Variants in STS observed in about 807,000 individuals in gnomAD.
STS encodes the protein steroid sulfatase.
STS carries 7 observed loss-of-function variants against 26.8 expected under a neutral mutation model. That is an observed-to-expected ratio of 0.26 (90% CI 0.15 to 0.49). STS has a LOEUF of 0.49. STS is among the 20% of genes least tolerant of loss of function. The pLI is 0.98. For missense variants in STS, 434 were observed against 465.6 expected (o/e 0.93, Z 0.63); for synonymous variants, 199 against 189.4 (o/e 1.05, Z -0.42).
chrX:7,178,156 A>G (rs1933610069), intron 1 of STS, among the ~76,000 whole-genome samples: 1 of 112,482 alleles, frequency 8.9e-6, no homozygotes, highest in Non-Finnish European at 1.9e-5. Context: ...ATAGAGAGAC[A>G]AAAGGTTTTT....
At chrX:7,292,191 G>A (rs775782653) in intron 7 of STS, among the ~76,000 whole-genome samples, 2 of 112,987 alleles carry the variant, frequency 1.8e-5, no homozygotes, top group East Asian at 5.6e-4. Context: ...TTTGGAAACA[G>A]AGAGAATTGC....
intron 8 of STS, 69 bp from the exon 9 acceptor site, chrX:7,325,270 T>C: frequency 9.0e-7 from 1 of 1,108,019 alleles, no homozygotes; most frequent in Non-Finnish European, 1.2e-6. Context: ...CACGAAAGAG[T>C]CCATTGAAGT....
At chrX:7,156,624 A>T (rs773984716) in intron 1 of STS, among the ~76,000 whole-genome samples, 1 of 111,935 alleles carries the variant, frequency 8.9e-6, no homozygotes, top group Non-Finnish European at 1.9e-5. Context: ...CCTGGTGTAA[A>T]CTAGGATGCC....
intron 10 of STS, among the ~76,000 whole-genome samples, chrX:7,341,925 T>A (rs370349477): frequency 9.0e-6 from 1 of 110,692 alleles, no homozygotes; most frequent in South Asian, 3.9e-4. Flanking sequence ...GATTCTCCTG[T>A]GCCAGCCTCC....
intron 1 of STS, chrX:7,148,317 A>C: frequency 3.8e-6 from 1 of 261,195 alleles, no homozygotes; most frequent in Middle Eastern, 1.1e-3. Context: ...CTTTCGCCGC[A>C]GCTGTAGCTG....
chrX:7,257,415 C>G, intron 4 of STS, 51 bp from the exon 5 acceptor site: 1 of 1,212,109 alleles, frequency 8.3e-7, no homozygotes, highest in Non-Finnish European at 1.1e-6. Context: ...GGACAGTCTC[C>G]CACCTCGAGG....
chrX:7,349,299 C>T (rs1398713561), intron 10 of STS, among the ~76,000 whole-genome samples: 9 of 89,404 alleles, frequency 1.0e-4, no homozygotes, highest in Non-Finnish European at 1.5e-4. Context: ...CCGCTGCACT[C>T]GGCCCTCATT....
intron 2 of STS, among the ~76,000 whole-genome samples, chrX:7,246,598 G>A (rs892031103): frequency 7.2e-5 from 8 of 111,539 alleles, no homozygotes; most frequent in Admixed American, 1.9e-4. Context: ...GAGCCACCGC[G>A]CCCGGCCCTG....
chrX:7,219,567 C>T, intron 2 of STS: 1 of 1,207,494 alleles, frequency 8.3e-7, no homozygotes, highest in Non-Finnish European at 1.1e-6. Flanking sequence ...TGGGAATATG[C>T]TTATTAAACT....
At chrX:7,194,871 C>T (rs1169576000) in intron 2 of STS, among the ~76,000 whole-genome samples, 2 of 111,673 alleles carry the variant, frequency 1.8e-5, no homozygotes, top group Non-Finnish European at 3.8e-5. Flanking sequence ...ATAGAGTATA[C>T]TCACACAAAC....
At chrX:7,212,335 G>A (rs183270426) in intron 2 of STS, among the ~76,000 whole-genome samples, 84 of 110,766 alleles carry the variant, frequency 7.6e-4, no homozygotes, top group Non-Finnish European at 1.4e-3. Context: ...GCCGGGCATC[G>A]TGGCACGCAC....
At chrX:7,325,243 G>A (rs923967110) in intron 8 of STS, 96 bp from the exon 9 acceptor site, 12 of 909,033 alleles carry the variant, frequency 1.3e-5, no homozygotes, top group Middle Eastern at 2.6e-4. Flanking sequence ...TAGAGCAGTT[G>A]GTTCTTCTAC....
chrX:7,297,926 A>G, intron 7 of STS, among the ~76,000 whole-genome samples: 1 of 110,792 alleles, frequency 9.0e-6, no homozygotes, highest in Non-Finnish European at 1.9e-5. Flanking sequence ...AGTTCCTGCA[A>G]CTCTCCTGCA....
At chrX:7,224,182 A>G (rs1261721840) in intron 2 of STS, among the ~76,000 whole-genome samples, 1 of 111,697 alleles carries the variant, frequency 9.0e-6, no homozygotes, top group African/African-American at 3.3e-5. Context: ...CAGTTCTTCA[A>G]TGAGAAAAGT....
At chrX:7,318,445 CAT>C (rs756440579) in intron 8 of STS, among the ~76,000 whole-genome samples, 161 of 111,715 alleles carry the variant, frequency 1.4e-3, no homozygotes, top group African/African-American at 5.0e-3. Context: ...CTTCCTCCAA[CAT>C]GTTTTTCCAT....
intron 1 of STS, among the ~76,000 whole-genome samples, chrX:7,163,856 G>A (rs1398732344): frequency 8.9e-6 from 1 of 112,105 alleles, no homozygotes; most frequent in Non-Finnish European, 1.9e-5. Flanking sequence ...GTCTCATTCT[G>A]TCACCAGGAT....
intron 9 of STS, among the ~76,000 whole-genome samples, chrX:7,328,555 A>ATT (rs144329312): frequency 0.048 from 4,157 of 87,147 alleles, 167 homozygotes; most frequent in East Asian, 0.11. Flanking sequence ...TGCTGACCTC[A>ATT]TTTTTTTTTT....
chrX:7,350,574 A>T lies in STS; in HGVS notation c.*313A>T, dbSNP rs140587592. On this transcript the variant is annotated 3_prime_UTR_variant, in exon 11 of 11. Coordinates refer to ENST00000674429, the MANE Select transcript of STS (RefSeq NM_001320752.2). ...ACACCAGTGCAAGCAGATGACAAAAAGGTGCAGAAGGCAATCTTAAAACAG... is the reference window on the plus strand; with the variant it reads ...ACACCAGTGCAAGCAGATGACAAAATGGTGCAGAAGGCAATCTTAAAACAG... 1.7e-3 allele frequency: 514 copies of T among 300,442 alleles called. 1 individual carries two copies. The highest frequency in any genetic ancestry group is 2.6e-3 in the Non-Finnish European group (440 of 172,474). The allele number at this position is 300,442 out of a possible 1,213,427, so 24.8% of individuals were successfully genotyped here.
chrX:7,304,807 T>C (rs767974894), intron 7 of STS, among the ~76,000 whole-genome samples: 16 of 111,683 alleles, frequency 1.4e-4, no homozygotes, highest in Non-Finnish European at 2.6e-4. Flanking sequence ...CACTTCATGA[T>C]ACCCAGAGGT....
Sources: gnomAD v4.1 joint callset for allele counts (sites outside exome capture counted in the v4.1 genomes callset) on GRCh38, gnomAD v4.1.1 for gene constraint, MANE v1.5 for transcripts, NCBI Gene and HGNC (gene_info 2026-07-23, HGNC 2026-07-21) for gene names.